Variants in GCM1 observed in about 807,000 individuals in gnomAD.
GCM1 encodes chorion-specific transcription factor GCMa.
In GCM1, 2 loss-of-function variants were observed where a neutral mutation model predicts 25.7. That is an observed-to-expected ratio of 0.08 (90% confidence interval 0.03 to 0.24). The LOEUF is 0.24. GCM1 is among the 10% of genes least tolerant of loss of function. GCM1 has a pLI of 1.00. For missense variants in GCM1, 395 were observed against 538.7 expected, an observed-to-expected ratio of 0.73 and a Z score of 2.64; for synonymous variants, 183 against 195.7, an observed-to-expected ratio of 0.94 and a Z score of 0.54.
Position 53,129,063 on chromosome 6 carries a change from T to C in GCM1, c.571-117A>G, listed in dbSNP as rs566161277. On this transcript the variant is annotated intron_variant, in intron 5 of 5. Transcript: ENST00000259803. ...GCTCCATCAGATTTTCCTCATTCCT[T>C]ACACATTAATACTTGACGCACAAAC... 155 of 750,572 alleles carry C rather than the reference T, an allele frequency of 2.1e-4. No individual in the cohort carries two copies. In the African/African-American group the frequency reaches 2.5e-3, roughly 12 times the overall value. The allele number at this position is 750,572 out of a possible 1,614,324, so 46.5% of individuals were successfully genotyped here. A position where few individuals can be genotyped will look rare whatever the true frequency, so the allele number is the denominator to read the frequency against.
At position 53,128,437 on chromosome 6, in the gene GCM1, C is replaced by T. The variant is rs370422081; in HGVS notation, c.1080G>A (p.Ala360=). The T allele has an allele frequency of 4.0e-5, 64 of 1,613,984 alleles. No homozygotes were observed. Among genetic ancestry groups the T allele is most frequent in the Non-Finnish European group, 5.0e-5 (59 of 1,179,948 alleles). ...TGCPPLWPNP[A]GNLYEEKVHV... ...GTACTTTCTCTTCATAAAGATTACC[C>T]GCTGGATTTGGCCATAATGGGGGAC... The change falls in exon 6 of 6, where the codon GCG becomes GCA. Residue 360 remains alanine (A), a synonymous_variant. Coordinates refer to ENST00000259803, the MANE Select transcript of GCM1 (RefSeq NM_003643.4).
Position 53,130,893 on chromosome 6 carries a change from C to T in GCM1, c.480G>A (p.Lys160=), listed in dbSNP as rs76623467. The T allele has an allele frequency of 1.9e-3, 3,127 of 1,613,912 alleles. 67 individuals carry two copies. In the Admixed American group the frequency reaches 0.031, roughly 16 times the overall value. The part of the protein sequence containing the change: ...GEHDHPKPET[K]LEAEARRAMK... ...TGGCTCTTCTTGCCTCAGCTTCTAA[C>T]TTGGTTTCTGGTTTTGGATGATCAT... is the stretch of plus-strand genomic sequence containing the variant. Residue 160 remains lysine (K), a synonymous_variant, in exon 5 of 6, where the codon AAG becomes AAA. Transcript: ENST00000259803.
chr6:53,144,862 C>A (rs1349462652), intron 2 of GCM1, among the ~76,000 whole-genome samples: 1 of 143,766 alleles, frequency 7.0e-6, no homozygotes, highest in African/African-American at 2.6e-5. Context: ...CTGTAGTAAG[C>A]TGAGATAGCA....
At chr6:53,133,653 G>A (rs1239691429) in intron 3 of GCM1, among the ~76,000 whole-genome samples, 1 of 151,956 alleles carries the variant, frequency 6.6e-6, no homozygotes, top group Non-Finnish European at 1.5e-5. Context: ...AACCACACCC[G>A]ACTAATTTTT....
chr6:53,132,310 G>A (rs934827705), intron 3 of GCM1, among the ~76,000 whole-genome samples, 191 bp from the exon 4 acceptor site: 3 of 152,202 alleles, frequency 2.0e-5, no homozygotes, highest in African/African-American at 7.2e-5. Flanking sequence ...TGGCCCACAT[G>A]GGTCTCACAC....
At chr6:53,133,588 C>T (rs1712200800) in intron 3 of GCM1, among the ~76,000 whole-genome samples, 1 of 151,980 alleles carries the variant, frequency 6.6e-6, no homozygotes, top group South Asian at 2.1e-4. Context: ...ACTTTCCAGG[C>T]TGAAGCAATC....
At chr6:53,146,483 G>C (rs1027738833) in intron 1 of GCM1, among the ~76,000 whole-genome samples, 25 of 152,060 alleles carry the variant, frequency 1.6e-4, no homozygotes, top group Non-Finnish European at 3.2e-4. Context: ...GACTCCCAAA[G>C]TGTTGGGATT....
chr6:53,142,042 CAG>C (rs1174194521), intron 2 of GCM1, among the ~76,000 whole-genome samples: 1 of 49,762 alleles, frequency 2.0e-5, no homozygotes, highest in Non-Finnish European at 3.8e-5. Context: ...AAAAAAAAAA[CAG>C]AAAGAAAAAG....
intron 2 of GCM1, among the ~76,000 whole-genome samples, chr6:53,142,861 A>G (rs1763899500): frequency 7.6e-6 from 1 of 131,738 alleles, no homozygotes; most frequent in Non-Finnish European, 1.6e-5. Context: ...TAAACAACTC[A>G]AGGATCTCCA....
At chr6:53,132,341 C>T (rs1763738462) in intron 3 of GCM1, among the ~76,000 whole-genome samples, 1 of 152,178 alleles carries the variant, frequency 6.6e-6, no homozygotes, top group Non-Finnish European at 1.5e-5. Context: ...GAAGTGGTTG[C>T]CTACCAAGTA....
intron 4 of GCM1, among the ~76,000 whole-genome samples, chr6:53,131,242 C>T (rs1256029709): frequency 2.6e-5 from 4 of 152,188 alleles, no homozygotes; most frequent in African/African-American, 9.7e-5. Context: ...TCAGCACAAC[C>T]ATTGAGGTAC....
intron 5 of GCM1, among the ~76,000 whole-genome samples, chr6:53,129,944 A>ACAG (rs1300512754): frequency 6.6e-6 from 1 of 152,210 alleles, no homozygotes; most frequent in East Asian, 1.9e-4. Context: ...TTTAGGTAAA[A>ACAG]CTACTAGCTG....
At chr6:53,131,883 T>A (rs570195073) in intron 4 of GCM1, 124 bp downstream of exon 4, 2 of 692,304 alleles carry the variant, frequency 2.9e-6, no homozygotes, top group African/African-American at 1.8e-5. Context: ...AGGGGACAGA[T>A]ACTTGCTCTC....
chr6:53,146,210 ATATATATT>A (rs1482988384), intron 1 of GCM1, among the ~76,000 whole-genome samples: 2 of 58,126 alleles, frequency 3.4e-5, no homozygotes, highest in East Asian at 6.7e-4. Context: ...ATATATATAT[ATATATATT>A]TTTTTTTTTT....
intron 2 of GCM1, among the ~76,000 whole-genome samples, chr6:53,136,190 T>A (rs1394835209): frequency 6.6e-6 from 1 of 152,242 alleles, no homozygotes; most frequent in Non-Finnish European, 1.5e-5. Flanking sequence ...ATTGCCTGCT[T>A]TTGTAAATAA....
intron 2 of GCM1, among the ~76,000 whole-genome samples, chr6:53,144,755 A>G (rs1763928986): frequency 6.6e-6 from 1 of 152,022 alleles, no homozygotes; most frequent in African/African-American, 2.4e-5. Context: ...TCTCTACAAA[A>G]AATACAAAAA....
rs562693293 is a variant in GCM1, at chr6:53,129,463, G to A, written c.571-517C>T. Among the ~76,000 whole-genome samples, 14 of 152,104 alleles carry A rather than the reference G, an allele frequency of 9.2e-5. No homozygotes were observed. In the East Asian group the frequency reaches 2.7e-3, roughly 29 times the overall value. On this transcript the variant is annotated intron_variant, in intron 5 of 5. Coordinates refer to ENST00000259803, the MANE Select transcript of GCM1 (RefSeq NM_003643.4). Reference sequence around the variant, plus strand: ...TAATTTTTGTATTTTCAGTAGAGATGGGGTTTTGCCATGTTGGCCAGGCTG... The same window carrying A: ...TAATTTTTGTATTTTCAGTAGAGATAGGGTTTTGCCATGTTGGCCAGGCTG...
In GCM1 at chr6:53,128,354, G is replaced by T. The variant is rs551536061; in HGVS notation, c.1163C>A (p.Pro388His). Residue 388 changes from proline to histidine, a missense_variant, in exon 6 of 6, where the codon CCC becomes CAC. This residue lies in a region of GCM1 where 291 missense variants were observed against 314.6 expected (regional missense o/e 0.92). Coordinates refer to ENST00000259803, the MANE Select transcript of GCM1 (RefSeq NM_003643.4). ...SPAYHSPQED[P>H]FLFTYASHPH... ...ATGAGAGGCGTAGGTGAAGAGAAAG[G>T]GGTCTTCTTGAGGTGAATGGTATGC... The T allele has an allele frequency of 1.2e-6, 2 of 1,613,904 alleles. No individual in the cohort carries two copies. The highest frequency in any genetic ancestry group is 8.5e-7 in the Non-Finnish European group (1 of 1,179,804).
intron 5 of GCM1, 59 bp from the exon 6 acceptor site, chr6:53,129,005 T>C (rs1763688684): frequency 7.3e-7 from 1 of 1,366,712 alleles, no homozygotes; most frequent in South Asian, 1.3e-5. Context: ...ACCACTGCCA[T>C]AGGCACCCAT....
Sources: allele counts gnomAD v4.1 joint callset (sites outside exome capture counted in the v4.1 genomes callset), GRCh38; gene constraint gnomAD v4.1.1; regional missense constraint gnomAD v4.1.1; transcripts MANE v1.5; gene names NCBI Gene and HGNC (gene_info 2026-07-23, HGNC 2026-07-21).